Variants in GFER observed in about 807,000 individuals in gnomAD.
GFER encodes growth factor, augmenter of liver regeneration.
Under a neutral mutation model 18.2 loss-of-function variants are expected in GFER, and 24 were observed. That is an observed-to-expected ratio of 1.32 (90% CI 0.96 to 1.86). The LOEUF (loss-of-function observed/expected upper bound fraction) is 1.86. Ranked by LOEUF, GFER falls within the 40% of genes most tolerant of loss-of-function variation. The pLI, the probability that GFER is intolerant of heterozygous loss-of-function variation, is 0.00. For synonymous variants in GFER, 138 were observed against 126.9 expected (o/e 1.09, Z -0.59); for missense variants, 316 against 295.6 (o/e 1.07, Z -0.51).
Position 1,984,749 on chromosome 16 carries a change from G to A in GFER, c.261G>A (p.Arg87=), listed in dbSNP as rs769900445. Residue 87 remains arginine, a splice_region_variant and synonymous_variant, in exon 2 of 3, where the codon CGG becomes CGA. Transcript: ENST00000248114. ...TCTCGGTCGGCCTGCTTCCGCAGCG[G>A]GACACCAAGTTTAGGGAGGACTGCC... ...FKTWMRTQQK[R]DTKFREDCPP... 3 of 1,607,478 alleles carry A rather than the reference G, an allele frequency of 1.9e-6. No homozygotes were observed. Among genetic ancestry groups the A allele is most frequent in the African/African-American group, 1.3e-5 (1 of 74,946 alleles).
rs183638147 is a variant in GFER at position 1,985,960 on chromosome 16, C to A, written c.550C>A (p.Pro184Thr). 1.2e-4 allele frequency: 200 copies of A among 1,613,122 alleles called. 1 individual carries two copies. The African/African-American group carries it at 2.6e-3, about 21-fold the overall frequency. Reference sequence around the variant, plus strand: ...TGAAGTGAACCGCAAGCTGGGCAAGCCTGACTTCGACTGCTCAAAAGTGGA... The same window carrying A: ...TGAAGTGAACCGCAAGCTGGGCAAGACTGACTTCGACTGCTCAAAAGTGGA... ...HNEVNRKLGK[P>T]DFDCSKVDER... The change falls in exon 3 of 3, where the codon CCT becomes ACT. Residue 184 changes from proline (P) to threonine (T), a missense_variant. By Grantham distance (38) the Pro-to-Thr change is conservative. Coordinates refer to ENST00000248114, the MANE Select transcript of GFER (RefSeq NM_005262.3).
chr16:1,985,058 T>C (rs1038714161), intron 2 of GFER, 115 bp downstream of exon 2: 3 of 830,208 alleles, frequency 3.6e-6, no homozygotes, highest in Non-Finnish European at 6.0e-6. Flanking sequence ...AGAAGTTTGC[T>C]GAGGAGCAGG....
Position 1,984,797 on chromosome 16 carries a change from C to T in GFER, c.309C>T (p.Gly103=). The T allele has an allele frequency of 6.2e-7, 1 of 1,612,656 alleles. No homozygotes were observed. The highest frequency in any genetic ancestry group is 8.5e-7 in the Non-Finnish European group (1 of 1,179,960). ...GCCCGCCGGATCGCGAGGAACTGGG[C>T]CGCCACAGCTGGGCTGTCCTCCACA... ...EDCPPDREEL[G]RHSWAVLHTL... Residue 103 remains glycine (G), a synonymous_variant, in exon 2 of 3, where the codon GGC becomes GGT. Coordinates refer to ENST00000248114, the MANE Select transcript of GFER (RefSeq NM_005262.3).
chr16:1,985,747 A>G, intron 2 of GFER, 119 bp from the exon 3 acceptor site: 1 of 936,568 alleles, frequency 1.1e-6, no homozygotes, highest in Non-Finnish European at 1.7e-6. Context: ...GCATAAGGGC[A>G]CTCCCAGGTG....
intron 2 of GFER, 149 bp downstream of exon 2, chr16:1,985,092 G>T: frequency 1.4e-6 from 1 of 702,616 alleles, no homozygotes; most frequent in East Asian, 2.7e-5. Flanking sequence ...TGAGGACTGG[G>T]GCTATCTGAG....
At position 1,985,982 on chromosome 16, in the gene GFER, T is replaced by C; in HGVS notation, c.572T>C (p.Val191Ala). Reference sequence around the variant, plus strand: ...AAGCCTGACTTCGACTGCTCAAAAGTGGATGAGCGCTGGCGCGACGGCTGG... The same window carrying C: ...AAGCCTGACTTCGACTGCTCAAAAGCGGATGAGCGCTGGCGCGACGGCTGG... ...LGKPDFDCSKVDERWRDGWKD... is the reference protein window; with the variant it reads ...LGKPDFDCSKADERWRDGWKD... Residue 191 changes from valine to alanine, a missense_variant, in exon 3 of 3, where the codon GTG becomes GCG. Transcript: ENST00000248114. 3.1e-6 allele frequency: 5 copies of C among 1,613,016 alleles called. No homozygotes were observed. The highest frequency in any genetic ancestry group is 4.2e-6 in the Non-Finnish European group (5 of 1,179,992).
chr16:1,984,203 G>C lies in GFER; in HGVS notation c.-16G>C. On this transcript the variant is annotated 5_prime_UTR_variant, in exon 1 of 3. Coordinates refer to ENST00000248114, the MANE Select transcript of GFER (RefSeq NM_005262.3). ...TCTGGAGGCCGAGCTGACCCGGCAG[G>C]CCTTGCGCGGGCAACATGGCGGCGC... The C allele has an allele frequency of 6.8e-7, 1 of 1,470,452 alleles. No homozygotes were observed. Among genetic ancestry groups the C allele is most frequent in the African/African-American group, 1.5e-5 (1 of 68,034 alleles). The allele number at this position is 1,470,452 out of a possible 1,614,324, so 91.1% of individuals were successfully genotyped here.
At chr16:1,985,723 G>A (rs2083562074) in intron 2 of GFER, 143 bp from the exon 3 acceptor site, 4 of 816,564 alleles carry the variant, frequency 4.9e-6, no homozygotes, top group South Asian at 2.7e-5. Flanking sequence ...TTCTGGGAGT[G>A]CCTGTACCTT....
Position 1,985,750 on chromosome 16 carries a change from C to T in GFER, c.456-116C>T, listed in dbSNP as rs1597063885. 3.1e-6 allele frequency: 3 copies of T among 971,966 alleles called. No individual in the cohort carries two copies. The East Asian group carries it at 7.2e-5, about 23-fold the overall frequency. 60.2% of individuals were successfully genotyped at this position (971,966 alleles called of 1,614,324 possible). A position where few individuals can be genotyped will look rare whatever the true frequency, so the allele number is the denominator to read the frequency against. ...CTGTACCTTGGAGCATAAGGGCACTCCCAGGTGTAGTTCACAGCAGTGCCC... is the reference window on the plus strand; with the variant it reads ...CTGTACCTTGGAGCATAAGGGCACTTCCAGGTGTAGTTCACAGCAGTGCCC... On this transcript the variant is annotated intron_variant, in intron 2 of 2. Coordinates refer to ENST00000248114, the MANE Select transcript of GFER (RefSeq NM_005262.3).
At chr16:1,985,119 C>T (rs2083557294) in intron 2 of GFER, 176 bp downstream of exon 2, 1 of 665,760 alleles carries the variant, frequency 1.5e-6, no homozygotes, top group East Asian at 2.7e-5. Context: ...CCTCTCGTCT[C>T]AGAAGCCAAG....
In GFER at chr16:1,984,416, C is replaced by G. The variant is rs1374216540; in HGVS notation, c.198C>G (p.Ser66=). ...ATTCTCCTGTCGCCGAGGACGCCTC[C>G]CGGAGGCGGCCGTGCCGGGCCTGCG... ...TSDSPVAEDA[S]RRRPCRACVD... The change falls in exon 1 of 3, where the codon TCC becomes TCG. Residue 66 remains serine, a synonymous_variant. Coordinates refer to ENST00000248114, the MANE Select transcript of GFER (RefSeq NM_005262.3). The G allele has an allele frequency of 3.9e-6, 6 of 1,542,346 alleles. No individual in the cohort carries two copies. Among genetic ancestry groups the G allele is most frequent in the Non-Finnish European group, 5.2e-6 (6 of 1,147,946 alleles).
In GFER at chr16:1,984,260, C is replaced by A. The variant is rs1054493594; in HGVS notation, c.42C>A (p.Asn14Lys). Residue 14 changes from asparagine (N) to lysine (K), a missense_variant, in exon 1 of 3, where the codon AAC becomes AAA. Asn to Lys is a moderately conservative substitution (Grantham distance 94). Transcript: ENST00000248114. Reference protein sequence around the residue: ...PGERGRFHGGNLFFLPGGARS... With the variant: ...PGERGRFHGGKLFFLPGGARS... ...AGCGGGGCCGCTTCCACGGCGGGAA[C>A]CTCTTCTTCCTGCCGGGGGGCGCGC... 1.4e-6 allele frequency: 2 copies of A among 1,478,450 alleles called. No individual in the cohort carries two copies. Among genetic ancestry groups the A allele is most frequent in the East Asian group, 2.8e-5 (1 of 35,336 alleles). The allele number at this position is 1,478,450 out of a possible 1,614,324, so 91.6% of individuals were successfully genotyped here. A position where few individuals can be genotyped will look rare whatever the true frequency, so the allele number is the denominator to read the frequency against.
chr16:1,985,961 C>T lies in GFER; in HGVS notation c.551C>T (p.Pro184Leu), dbSNP rs1387079177. Residue 184 changes from proline (P) to leucine (L), a missense_variant, in exon 3 of 3, where the codon CCT (proline) becomes CTT (leucine). Transcript: ENST00000248114. ...GAAGTGAACCGCAAGCTGGGCAAGC[C>T]TGACTTCGACTGCTCAAAAGTGGAT... ...HNEVNRKLGK[P>L]DFDCSKVDER... is the part of the protein sequence containing the mutation. The T allele has an allele frequency of 6.2e-7, 1 of 1,613,032 alleles. No homozygotes were observed. Among genetic ancestry groups the T allele is most frequent in the Non-Finnish European group, 8.5e-7 (1 of 1,180,028 alleles).
In GFER at chr16:1,986,047, T is replaced by C. The variant is rs1046495; in HGVS notation, c.*19T>C. 296,300 of 1,610,468 alleles carry C rather than the reference T, an allele frequency of 0.18. 29,895 individuals are homozygous for C. The highest frequency in any genetic ancestry group is 0.31 in the South Asian group (27,773 of 91,028). On this transcript the variant is annotated 3_prime_UTR_variant, in exon 3 of 3. Coordinates refer to ENST00000248114, the MANE Select transcript of GFER (RefSeq NM_005262.3). ...TGACTAGAGGGTGGTCAGCCAGAGC[T>C]CATGGGACAGCTAGCCAGGCATGGT...
At chr16:1,985,810 G>A (rs1156289466) in intron 2 of GFER, 56 bp from the exon 3 acceptor site, 2 of 1,490,920 alleles carry the variant, frequency 1.3e-6, no homozygotes, top group African/African-American at 1.4e-5. Context: ...CAGGGAACTG[G>A]CAGGGGCAGT....
rs118144645 is a variant in GFER, at chr16:1,986,591, C to T, written c.*563C>T. On this transcript the variant is annotated 3_prime_UTR_variant, in exon 3 of 3. Coordinates refer to ENST00000248114, the MANE Select transcript of GFER (RefSeq NM_005262.3). ...TCCCTGCCTGGCACATGCCTGCCAG[C>T]GTTGTGTCATGCCTGTCCACAGGGG... is the stretch of plus-strand genomic sequence containing the variant. The T allele has an allele frequency of 6.3e-3, 1,235 of 195,692 alleles. 3 individuals carry two copies. The highest frequency in any genetic ancestry group is 0.01 in the Non-Finnish European group (929 of 92,668). The allele number at this position is 195,692 out of a possible 1,614,324, so 12.1% of individuals were successfully genotyped here.
At chr16:1,985,387 G>A (rs998993179) in intron 2 of GFER, among the ~76,000 whole-genome samples, 1 of 152,252 alleles carries the variant, frequency 6.6e-6, no homozygotes, top group African/African-American at 2.4e-5. Flanking sequence ...CAGATGTATA[G>A]GGTAGAGCCG....
intron 1 of GFER, 126 bp downstream of exon 1, chr16:1,984,602 TTA>T: frequency 1.5e-6 from 2 of 1,378,304 alleles, no homozygotes; most frequent in Non-Finnish European, 2.0e-6. Context: ...AGGCCCGGCC[TTA>T]CAGCCTTCAT....
Position 1,984,444 on chromosome 16 carries a change from G to T in GFER, c.226G>T (p.Asp76Tyr), listed in dbSNP as rs1175661875. 4.5e-6 allele frequency: 7 copies of T among 1,553,836 alleles called. No homozygotes were observed. In the African/African-American group the frequency reaches 6.8e-5, roughly 15 times the overall value. The part of the protein sequence containing the change: ...SRRRPCRACV[D>Y]FKTWMRTQQK... Reference sequence around the variant, plus strand: ...GAGGCGGCCGTGCCGGGCCTGCGTCGACTTCAAGACGTGGATGCGGACGCA... The same window carrying T: ...GAGGCGGCCGTGCCGGGCCTGCGTCTACTTCAAGACGTGGATGCGGACGCA... The change falls in exon 1 of 3, where the codon GAC (aspartate) becomes TAC (tyrosine). Residue 76 changes from aspartate to tyrosine, a missense_variant. Physicochemically the swap from Asp to Tyr is radical, Grantham distance 160 (BLOSUM62 -3). Coordinates refer to ENST00000248114, the MANE Select transcript of GFER (RefSeq NM_005262.3).
Sources: gnomAD v4.1 joint callset for allele counts (sites outside exome capture counted in the v4.1 genomes callset) on GRCh38, gnomAD v4.1.1 for gene constraint, MANE v1.5 for transcripts, NCBI Gene and HGNC (gene_info 2026-07-23, HGNC 2026-07-21) for gene names.